PRSS2: variants seen among roughly 807,000 people sequenced by gnomAD.
The protein encoded by PRSS2 is serine protease 2, also known as trypsin-2.
Under a neutral mutation model 19.2 loss-of-function variants are expected in PRSS2, and 19 were observed. The ratio of observed to expected loss-of-function variants is 0.99; its 90% confidence interval spans 0.69 to 1.45. The LOEUF is 1.45. Ranked by LOEUF, PRSS2 falls within the 40% of genes most tolerant of loss-of-function variation. The pLI, the probability that PRSS2 is intolerant of heterozygous loss-of-function variation, is 0.00. For synonymous variants in PRSS2, 107 were observed against 117.5 expected (o/e 0.91, Z 0.58); for missense variants, 288 against 294.4 (o/e 0.98, Z 0.16).
intron 3 of PRSS2, 48 bp downstream of exon 3, chr7:142,773,567 C>T (rs1554506744): frequency 1.3e-6 from 2 of 1,507,686 alleles, no homozygotes; most frequent in African/African-American, 1.4e-5. Context: ...CCACAATTTC[C>T]AGAACAAACC....
Position 142,773,395 on chromosome 7 carries a change from G to T in PRSS2, c.330G>T (p.Leu110=). Residue 110 remains leucine, a synonymous_variant, in exon 3 of 5, where the codon CTG becomes CTT. Transcript: ENST00000539842. Reference sequence around the variant, plus strand: ...GGACTCTGGACAATGACATCCTGCTGATCAAGCTCTCCTCACCTGCCGTCA... The same window carrying T: ...GGACTCTGGACAATGACATCCTGCTTATCAAGCTCTCCTCACCTGCCGTCA... ...NSRTLDNDIL[L]IKLSSPAVIN... is the part of the protein sequence containing the mutation. The T allele has an allele frequency of 6.2e-7, 1 of 1,611,618 alleles. No homozygotes were observed. Among genetic ancestry groups the T allele is most frequent in the Non-Finnish European group, 8.5e-7 (1 of 1,177,762 alleles).
At chr7:142,771,613 G>A (rs1164059944) in intron 1 of PRSS2, among the ~76,000 whole-genome samples, 1 of 152,044 alleles carries the variant, frequency 6.6e-6, no homozygotes, top group East Asian at 1.9e-4. Flanking sequence ...GAGCTGAGGG[G>A]GAAACTGGTC....
rs918603391 is a variant in PRSS2, at chr7:142,774,125, C to A, written c.591+70C>A. 4.0e-6 allele frequency: 6 copies of A among 1,514,866 alleles called. No homozygotes were observed. The South Asian group carries it at 5.6e-5, about 14-fold the overall frequency. 93.8% of individuals were successfully genotyped at this position (1,514,866 alleles called of 1,614,324 possible). A position where few individuals can be genotyped will look rare whatever the true frequency, so the allele number is the denominator to read the frequency against. On this transcript the variant is annotated intron_variant, in intron 4 of 4. Transcript: ENST00000539842. ...GCCCCACCAGGGAAAATGATTTGAA[C>A]TCCCAAGGTGGCGGGGCTGAGGAGG...
In PRSS2 at chr7:142,774,538, C is replaced by T. The variant is rs1800289467; in HGVS notation, c.*30C>T. The T allele has an allele frequency of 1.3e-6, 2 of 1,594,206 alleles. No individual in the cohort carries two copies. Among genetic ancestry groups the T allele is most frequent in the South Asian group, 1.1e-5 (1 of 90,270 alleles). ...CCTGGTCCCTCTGCAGTCTCTATAC[C>T]AATAAAGTGACCCTGCTCTCACTGT... On this transcript the variant is annotated 3_prime_UTR_variant, in exon 5 of 5. Coordinates refer to ENST00000539842, the MANE Select transcript of PRSS2 (RefSeq NM_002770.4).
intron 1 of PRSS2, 124 bp from the exon 2 acceptor site, chr7:142,771,925 C>G (rs1586035538): frequency 2.1e-6 from 3 of 1,447,280 alleles, no homozygotes; most frequent in Non-Finnish European, 2.9e-6. Flanking sequence ...GGCAGCGCTC[C>G]CCCCCTTGCC....
chr7:142,774,044 G>A lies in PRSS2; in HGVS notation c.580G>A (p.Asp194Asn), dbSNP rs1800218899. 1.4e-5 allele frequency: 22 copies of A among 1,595,658 alleles called. No homozygotes were observed. The highest frequency in any genetic ancestry group is 1.9e-5 in the Non-Finnish European group (22 of 1,163,420). Residue 194 changes from aspartate (D) to asparagine (N), a missense_variant, in exon 4 of 5, where the codon GAT becomes AAT. Physicochemically the swap from Asp to Asn is conservative, Grantham distance 23 (BLOSUM62 1). Coordinates refer to ENST00000539842, the MANE Select transcript of PRSS2 (RefSeq NM_002770.4). ...FCVGFLEGGK[D>N]SCQGDSGGPV... ...TGTGGGCTTCCTCGAGGGAGGCAAGGATTCCTGCCAGGTGATTTGACCCCT... is the reference window on the plus strand; with the variant it reads ...TGTGGGCTTCCTCGAGGGAGGCAAGAATTCCTGCCAGGTGATTTGACCCCT...
chr7:142,773,170 C>T lies in PRSS2; in HGVS notation c.201-96C>T, dbSNP rs1023613226. 3,234 of 1,608,658 alleles carry T rather than the reference C, an allele frequency of 2.0e-3. 1 individual carries two copies. Among genetic ancestry groups the T allele is most frequent in the Non-Finnish European group, 2.6e-3 (3,087 of 1,177,194 alleles). On this transcript the variant is annotated intron_variant, in intron 2 of 4. Coordinates refer to ENST00000539842, the MANE Select transcript of PRSS2 (RefSeq NM_002770.4). ...CACACCCCACCCCATGCCTCCAGAGCTGTCCATGAGCAGGGAGCTTAAGGA... is the reference window on the plus strand; with the variant it reads ...CACACCCCACCCCATGCCTCCAGAGTTGTCCATGAGCAGGGAGCTTAAGGA...
chr7:142,770,991 ACTT>A lies in PRSS2; in HGVS notation c.12_14del (p.Leu5del). ...AGGCACACTCTACCACCATGAATCT[ACTT>A]CTGATCCTTACCTTTGTTGCAGCTG... On this transcript the variant is annotated inframe_deletion, in exon 1 of 5. Transcript: ENST00000539842. The A allele has an allele frequency of 1.6e-6, 1 of 639,062 alleles. No individual in the cohort carries two copies. Among genetic ancestry groups the A allele is most frequent in the Non-Finnish European group, 2.9e-6 (1 of 348,656 alleles). The allele number at this position is 639,062 out of a possible 1,614,324, so 39.6% of individuals were successfully genotyped here.
In PRSS2 at chr7:142,774,032, G is replaced by A. The variant is rs1217535943; in HGVS notation, c.568G>A (p.Glu190Lys). The A allele has an allele frequency of 1.6e-5, 26 of 1,600,430 alleles. No homozygotes were observed. The East Asian group carries it at 3.8e-4, about 23-fold the overall frequency. ...CAACATGTTCTGTGTGGGCTTCCTC[G>A]AGGGAGGCAAGGATTCCTGCCAGGT... ...TNNMFCVGFL[E>K]GGKDSCQGDS... The change falls in exon 4 of 5, where the codon GAG (glutamate) becomes AAG (lysine). Residue 190 changes from glutamate (E) to lysine (K), a missense_variant. Glu to Lys is a moderately conservative substitution (Grantham distance 56). Coordinates refer to ENST00000539842, the MANE Select transcript of PRSS2 (RefSeq NM_002770.4).
Position 142,773,367 on chromosome 7 carries a change from G to GC in PRSS2, c.304dup (p.Arg102ProfsTer6). On this transcript the variant is annotated frameshift_variant, in exon 3 of 5. Coordinates refer to ENST00000539842, the MANE Select transcript of PRSS2 (RefSeq NM_002770.4). LOFTEE classifies it high-confidence loss of function. ...ATCATCCGCCACCCCAAATACAACAGCCGGACTCTGGACAATGACATCCTG... is the reference window on the plus strand; with the variant it reads ...ATCATCCGCCACCCCAAATACAACAGCCCGGACTCTGGACAATGACATCCTG... 1 of 953,850 alleles carries GC rather than the reference G, an allele frequency of 1.0e-6. No homozygotes were observed. The highest frequency in any genetic ancestry group is 1.8e-5 in the South Asian group (1 of 56,082). The allele number at this position is 953,850 out of a possible 1,614,324, so 59.1% of individuals were successfully genotyped here.
chr7:142,773,695 A>G (rs2117084681), intron 3 of PRSS2, among the ~76,000 whole-genome samples, 176 bp downstream of exon 3: 2 of 152,374 alleles, frequency 1.3e-5, no homozygotes, highest in African/African-American at 4.8e-5. Flanking sequence ...TGTGGCTCCT[A>G]AAATCAAAAG....
Position 142,774,283 on chromosome 7 carries a change from A to G in PRSS2, c.592-73A>G, listed in dbSNP as rs1800257775. On this transcript the variant is annotated intron_variant, in intron 4 of 4. Coordinates refer to ENST00000539842, the MANE Select transcript of PRSS2 (RefSeq NM_002770.4). ...GAGCTGGCTGGAAAGGGCTCTTTTAAGGTTCAGAGCAAATGTAGGTGTATT... is the reference window on the plus strand; with the variant it reads ...GAGCTGGCTGGAAAGGGCTCTTTTAGGGTTCAGAGCAAATGTAGGTGTATT... 5 of 1,048,386 alleles carry G rather than the reference A, an allele frequency of 4.8e-6. No homozygotes were observed. The African/African-American group carries it at 7.7e-5, about 16-fold the overall frequency. The allele number at this position is 1,048,386 out of a possible 1,614,324, so 64.9% of individuals were successfully genotyped here.
At chr7:142,773,884 C>T (rs756840877) in intron 3 of PRSS2, 35 bp from the exon 4 acceptor site, 5 of 1,592,948 alleles carry the variant, frequency 3.1e-6, no homozygotes, top group Non-Finnish European at 4.3e-6. Context: ...GCCTAACCCA[C>T]ATTTCTTTCT....
intron 2 of PRSS2, among the ~76,000 whole-genome samples, chr7:142,772,954 T>A (rs977421195): frequency 5.9e-5 from 9 of 151,986 alleles, no homozygotes; most frequent in African/African-American, 2.2e-4. Context: ...TTCAAGGAGC[T>A]CCTTGTGCCC....
chr7:142,773,848 A>C (rs1423280625), intron 3 of PRSS2, 71 bp from the exon 4 acceptor site: 3 of 1,547,044 alleles, frequency 1.9e-6, no homozygotes, highest in Non-Finnish European at 2.7e-6. Context: ...TCAATGTTCC[A>C]TCCTAGACTA....
At chr7:142,771,101 C>T (rs1422938875) in intron 1 of PRSS2, 79 bp downstream of exon 1, 5 of 553,242 alleles carry the variant, frequency 9.0e-6, no homozygotes, top group African/African-American at 5.6e-5. Flanking sequence ...GCCACCTCTC[C>T]TCTTTTGACT....
At chr7:142,774,330 T>C (rs918696741) in intron 4 of PRSS2, 26 bp from the exon 5 acceptor site, 321 of 1,177,442 alleles carry the variant, frequency 2.7e-4, no homozygotes, top group Non-Finnish European at 3.5e-4. Context: ...TCTCTCTTCA[T>C]ACAACTTGTC....
rs1052863399 is a variant in PRSS2 at position 142,773,432 on chromosome 7, G to C, written c.367G>C (p.Val123Leu). 1.1e-5 allele frequency: 17 copies of C among 1,601,114 alleles called. No homozygotes were observed. The South Asian group carries it at 1.8e-4, about 17-fold the overall frequency. The change falls in exon 3 of 5, where the codon GTG becomes CTG. Residue 123 changes from valine to leucine, a missense_variant. By Grantham distance (32) the Val-to-Leu change is conservative (BLOSUM62 1). Transcript: ENST00000539842. ...CTCACCTGCCGTCATCAATTCCCGCGTGTCCGCCATCTCTCTGCCCACTGC... is the reference window on the plus strand; with the variant it reads ...CTCACCTGCCGTCATCAATTCCCGCCTGTCCGCCATCTCTCTGCCCACTGC... ...LSSPAVINSR[V>L]SAISLPTAPP... is the part of the protein sequence containing the mutation.
intron 3 of PRSS2, 67 bp from the exon 4 acceptor site, chr7:142,773,852 T>C (rs1554506966): frequency 1.3e-6 from 2 of 1,550,630 alleles, no homozygotes; most frequent in Admixed American, 1.7e-5. Flanking sequence ...TGTTCCATCC[T>C]AGACTATTGT....
Sources: gnomAD v4.1 joint callset for allele counts (sites outside exome capture counted in the v4.1 genomes callset) on GRCh38, gnomAD v4.1.1 for gene constraint, MANE v1.5 for transcripts, NCBI Gene and HGNC (gene_info 2026-07-23, HGNC 2026-07-21) for gene names.